The following CADM2 variants were observed in gnomAD, a reference collection of about 807,000 sequenced individuals.
CADM2 encodes cell adhesion molecule 2, also known as immunoglobulin superfamily member 4D.
In CADM2, 12 loss-of-function variants were observed where a neutral mutation model predicts 49.8. The observed-to-expected ratio is 0.24, with a 90% CI of 0.15 to 0.39. The LOEUF (loss-of-function observed/expected upper bound fraction) is 0.39, where lower values mean the gene tolerates loss of function less well. CADM2 is among the 10% of genes least tolerant of loss of function. The pLI is 1.00. For missense variants in CADM2, 378 were observed against 492.3 expected, an observed-to-expected ratio of 0.77 and a Z score of 2.20; for synonymous variants, 214 against 175.4, an observed-to-expected ratio of 1.22 and a Z score of -1.74.
intron 8 of CADM2, among the ~76,000 whole-genome samples, chr3:85,973,346 C>T (rs1313806610): frequency 6.6e-6 from 1 of 151,674 alleles, no homozygotes; most frequent in African/African-American, 2.4e-5. Flanking sequence ...CCACTGCATT[C>T]CAGCCTGGGC....
intron 7 of CADM2, among the ~76,000 whole-genome samples, chr3:85,943,756 C>T (rs1271482921): frequency 6.6e-6 from 1 of 151,808 alleles, no homozygotes; most frequent in Non-Finnish European, 1.5e-5. Context: ...ATATCTACAA[C>T]TATCTGATCT....
chr3:85,246,267 A>T (rs1206189889), intron 1 of CADM2, among the ~76,000 whole-genome samples: 2 of 152,070 alleles, frequency 1.3e-5, no homozygotes, highest in African/African-American at 4.8e-5. Flanking sequence ...GGACACAGGA[A>T]GGGGAACATC....
intron 6 of CADM2, among the ~76,000 whole-genome samples, chr3:85,927,656 G>A (rs977040182): frequency 5.9e-5 from 9 of 152,136 alleles, no homozygotes; most frequent in Admixed American, 5.9e-4. Flanking sequence ...GCTACTTTGT[G>A]TTACAAACCA....
chr3:85,084,607 C>T (rs2037301051), intron 1 of CADM2, among the ~76,000 whole-genome samples: 1 of 152,074 alleles, frequency 6.6e-6, no homozygotes, highest in Non-Finnish European at 1.5e-5. Flanking sequence ...ACACTGATTA[C>T]ATGGTGAAAT....
At chr3:85,035,384 T>G (rs1233542648) in intron 1 of CADM2, among the ~76,000 whole-genome samples, 1 of 152,204 alleles carries the variant, frequency 6.6e-6, no homozygotes, top group African/African-American at 2.4e-5. Context: ...CTTTTCAGTT[T>G]GTTGACTGTT....
intron 1 of CADM2, among the ~76,000 whole-genome samples, chr3:85,287,933 A>T (rs1475049337): frequency 1.6e-5 from 2 of 121,758 alleles, no homozygotes; most frequent in Non-Finnish European, 3.3e-5. Context: ...AACATCACAC[A>T]CTGGGGACTG....
At chr3:86,043,682 A>T (rs1736252849) in intron 8 of CADM2, among the ~76,000 whole-genome samples, 1 of 152,198 alleles carries the variant, frequency 6.6e-6, no homozygotes, top group Non-Finnish European at 1.5e-5. Context: ...GCTACCAATG[A>T]CTTTCTTCAC....
At chr3:85,816,487 A>G (rs2073212481) in intron 3 of CADM2, among the ~76,000 whole-genome samples, 1 of 152,176 alleles carries the variant, frequency 6.6e-6, no homozygotes, top group Non-Finnish European at 1.5e-5. Flanking sequence ...TCTGTAATCA[A>G]TGATGATCCT....
At chr3:85,453,883 C>A (rs2107574216) in intron 1 of CADM2, among the ~76,000 whole-genome samples, 1 of 152,174 alleles carries the variant, frequency 6.6e-6, no homozygotes, top group Admixed American at 6.5e-5. Flanking sequence ...TTACTCACTT[C>A]ACTGCAATAT....
chr3:85,907,283 C>CA (rs1716930206), intron 5 of CADM2, among the ~76,000 whole-genome samples: 2 of 152,118 alleles, frequency 1.3e-5, no homozygotes, highest in Non-Finnish European at 2.9e-5. Context: ...TGTTATCCAT[C>CA]AAAAACCACT....
intron 1 of CADM2, among the ~76,000 whole-genome samples, chr3:85,526,197 C>G (rs2061155738): frequency 6.6e-6 from 1 of 152,064 alleles, no homozygotes. Context: ...TCAAGGCTCA[C>G]TGTCCTTTAT....
chr3:85,920,791 G>A (rs1041215436), intron 6 of CADM2, among the ~76,000 whole-genome samples: 1 of 151,368 alleles, frequency 6.6e-6, no homozygotes, highest in Admixed American at 6.6e-5. Flanking sequence ...GTAACAATTT[G>A]TGTGTGTGTT....
chr3:85,075,232 T>G (rs1337364456), intron 1 of CADM2, among the ~76,000 whole-genome samples: 4 of 151,990 alleles, frequency 2.6e-5, no homozygotes, highest in Admixed American at 1.3e-4. Flanking sequence ...TTTTGTTTTT[T>G]TTTTTTAATA....
chr3:85,259,154 T>C (rs1576228240), intron 1 of CADM2, among the ~76,000 whole-genome samples: 1 of 152,116 alleles, frequency 6.6e-6, no homozygotes, highest in African/African-American at 2.4e-5. Flanking sequence ...TTGTCTTTGC[T>C]TACCATTTAG....
At chr3:85,827,657 A>G (rs540806971) in intron 3 of CADM2, among the ~76,000 whole-genome samples, 3 of 152,104 alleles carry the variant, frequency 2.0e-5, no homozygotes, top group African/African-American at 7.2e-5. Context: ...TGATTAGAAA[A>G]GTTCATGAGA....
At chr3:85,448,908 G>A (rs986031967) in intron 1 of CADM2, among the ~76,000 whole-genome samples, 6 of 151,698 alleles carry the variant, frequency 4.0e-5, no homozygotes, top group Non-Finnish European at 5.9e-5. Context: ...AAATTAGCTG[G>A]GGATGGTGGT....
At chr3:85,117,622 A>T (rs1256344100) in intron 1 of CADM2, among the ~76,000 whole-genome samples, 1 of 152,214 alleles carries the variant, frequency 6.6e-6, no homozygotes, top group East Asian at 1.9e-4. Flanking sequence ...AATGATAAAC[A>T]TAATATCACT....
chr3:85,802,000 A>AT, intron 2 of CADM2, 47 bp from the exon 3 acceptor site: 1 of 1,514,916 alleles, frequency 6.6e-7, no homozygotes, highest in African/African-American at 1.4e-5. Context: ...GCAGTTAATC[A>AT]TTTTATGACT....
intron 1 of CADM2, among the ~76,000 whole-genome samples, chr3:85,290,734 G>T (rs1446821196): frequency 2.0e-5 from 3 of 152,160 alleles, no homozygotes; most frequent in African/African-American, 7.2e-5. Context: ...GGTCCTGTCT[G>T]TTAGAAGGAA....
Sources: allele counts gnomAD v4.1 joint callset (sites outside exome capture counted in the v4.1 genomes callset), GRCh38; gene constraint gnomAD v4.1.1; transcripts MANE v1.5; gene names NCBI Gene and HGNC (gene_info 2026-07-23, HGNC 2026-07-21).